MAN2A2: variants seen among roughly 807,000 people sequenced by gnomAD.
MAN2A2 encodes the protein mannosidase alpha class 2A member 2, also known as alpha-mannosidase 2x.
In MAN2A2, 79 loss-of-function variants were observed where a neutral mutation model predicts 126.8. That is an observed-to-expected ratio of 0.62 (90% CI 0.52 to 0.75). The LOEUF is 0.75. MAN2A2 is among the 30% of genes least tolerant of loss of function. The pLI is 0.00. For missense variants in MAN2A2, 1,392 were observed against 1,522.4 expected (o/e 0.91, Z 1.43); for synonymous variants, 671 against 618.7 (o/e 1.08, Z -1.25).
At chr15:90,918,502 C>T (rs1178222794) in intron 21 of MAN2A2, 114 bp downstream of exon 21, 4 of 1,313,290 alleles carry the variant, frequency 3.0e-6, no homozygotes, top group Non-Finnish European at 4.2e-6. Context: ...AGGTATTCGG[C>T]TCCAAACCTC....
Position 90,922,541 on chromosome 15 carries a change from C to T in MAN2A2, c.*2754C>T, listed in dbSNP as rs546053833. The T allele has an allele frequency of 6.6e-6, 1 of 152,154 alleles. No individual in the cohort carries two copies. The highest frequency in any genetic ancestry group is 2.1e-4 in the South Asian group (1 of 4,818). 9.4% of individuals were successfully genotyped at this position (152,154 alleles called of 1,614,324 possible). A position where few individuals can be genotyped will look rare whatever the true frequency, so the allele number is the denominator to read the frequency against. On this transcript the variant is annotated 3_prime_UTR_variant, in exon 23 of 23. Transcript: ENST00000559717. ...ACAATAGGAGGGGAATCTGTGAACG[C>T]CTAGAAAATGAGCAGAATAAAGGAT... is the stretch of plus-strand genomic sequence containing the variant.
Position 90,911,152 on chromosome 15 carries a change from C to A in MAN2A2, c.1876-19C>A. Reference sequence around the variant, plus strand: ...CTGAGCCCATGATGGTTCTTCCCTTCCGGCTCACTGAATTCCAGGATGACA... The same window carrying A: ...CTGAGCCCATGATGGTTCTTCCCTTACGGCTCACTGAATTCCAGGATGACA... On this transcript the variant is annotated intron_variant, in intron 12 of 22. Transcript: ENST00000559717. The A allele has an allele frequency of 6.2e-7, 1 of 1,613,482 alleles. No individual in the cohort carries two copies. The highest frequency in any genetic ancestry group is 1.1e-5 in the South Asian group (1 of 91,038).
At chr15:90,916,460 C>G (rs2035191805) in intron 20 of MAN2A2, 1 of 1,100,332 alleles carries the variant, frequency 9.1e-7, no homozygotes, top group South Asian at 1.5e-5. Flanking sequence ...CAGCAGCGCT[C>G]TGTCACCTGT....
chr15:90,916,507 C>T (rs2151325770), intron 20 of MAN2A2: 2 of 1,324,390 alleles, frequency 1.5e-6, no homozygotes, highest in East Asian at 2.9e-5. Flanking sequence ...CTCTGTGCTG[C>T]CCTCCTCTGC....
Position 90,904,129 on chromosome 15 carries a change from G to A in MAN2A2, c.-18-61G>A, listed in dbSNP as rs1337176807. 2 of 1,590,248 alleles carry A rather than the reference G, an allele frequency of 1.3e-6. 1 individual carries two copies. The highest frequency in any genetic ancestry group is 2.2e-5 in the South Asian group (2 of 90,514). On this transcript the variant is annotated intron_variant, in intron 1 of 22. Transcript: ENST00000559717. ...CCTCAGGAACTCACTGGGGTATTTG[G>A]TGGAAAGACTGCCACGGGCATTTTG...
At position 90,905,932 on chromosome 15, in the gene MAN2A2, G is replaced by A. The variant is rs376743733; in HGVS notation, c.623G>A (p.Arg208Gln). ...SMVSKLQEDP[R>Q]RRFLWAEVSF... ...GTGTCTAAGCTGCAGGAGGACCCCC[G>A]GCGGCGCTTCCTCTGGGCAGAGGTC... Residue 208 changes from arginine to glutamine, a missense_variant, in exon 5 of 23, where the codon CGG becomes CAG. Transcript: ENST00000559717. The A allele has an allele frequency of 1.0e-4, 166 of 1,613,074 alleles. No homozygotes were observed. The highest frequency in any genetic ancestry group is 1.3e-4 in the Non-Finnish European group (155 of 1,179,600).
At chr15:90,904,117 C>A in intron 1 of MAN2A2, 73 bp from the exon 2 acceptor site, 1 of 1,540,000 alleles carries the variant, frequency 6.5e-7, no homozygotes, top group Non-Finnish European at 9.0e-7. Flanking sequence ...CAGGAACTCA[C>A]TGGGGTATTT....
intron 17 of MAN2A2, 87 bp from the exon 18 acceptor site, chr15:90,913,186 C>A (rs575121891): frequency 1.4e-5 from 21 of 1,499,008 alleles, no homozygotes; most frequent in South Asian, 1.1e-4. Flanking sequence ...AGCCTCTCCC[C>A]AGCTCGGCTC....
At chr15:90,913,579 C>A in intron 18 of MAN2A2, 35 bp from the exon 19 acceptor site, 1 of 1,593,452 alleles carries the variant, frequency 6.3e-7, no homozygotes, top group Non-Finnish European at 8.5e-7. Flanking sequence ...ACATGGTGCC[C>A]GGGTGCCCTT....
chr15:90,909,893 G>A (rs546646625), intron 9 of MAN2A2, among the ~76,000 whole-genome samples, 197 bp from the exon 10 acceptor site: 5 of 152,282 alleles, frequency 3.3e-5, no homozygotes, highest in East Asian at 1.9e-4. Flanking sequence ...GTGAGCCACC[G>A]CGCCCAGCCG....
At position 90,910,378 on chromosome 15, in the gene MAN2A2, T is replaced by C. The variant is rs561547168; in HGVS notation, c.1577+86T>C. The C allele has an allele frequency of 3.8e-6, 6 of 1,577,764 alleles. No homozygotes were observed. The East Asian group carries it at 1.3e-4, about 35-fold the overall frequency. On this transcript the variant is annotated intron_variant, in intron 10 of 22. Coordinates refer to ENST00000559717, the MANE Select transcript of MAN2A2 (RefSeq NM_006122.4). ...GGGGCTGGATTGGCTCAGAAGGGAA[T>C]AGATAGGCCCAGAGGCCAGGGCAGG...
chr15:90,905,225 G>C, intron 2 of MAN2A2, 26 bp from the exon 3 acceptor site: 1 of 1,606,506 alleles, frequency 6.2e-7, no homozygotes, highest in Non-Finnish European at 8.5e-7. Context: ...GGAGCTGTGT[G>C]TGATTGCTTT....
At chr15:90,919,605 A>G (rs756243432) in intron 22 of MAN2A2, 30 bp from the exon 23 acceptor site, 1 of 1,610,400 alleles carries the variant, frequency 6.2e-7, no homozygotes, top group Admixed American at 1.7e-5. Context: ...GGCACCTAGC[A>G]CAACCCTGCC....
chr15:90,909,552 A>G (rs1267962977), intron 9 of MAN2A2, 48 bp downstream of exon 9: 2 of 1,558,514 alleles, frequency 1.3e-6, no homozygotes, highest in Admixed American at 1.8e-5. Flanking sequence ...GCTGCAGCCC[A>G]TCCCTTCCCG....
chr15:90,915,864 G>A (rs2035130616), intron 19 of MAN2A2: 1 of 460,592 alleles, frequency 2.2e-6, no homozygotes. Flanking sequence ...GAGTCCCAGA[G>A]CGTGGGGGGT....
At chr15:90,913,869 C>T (rs2034972638) in intron 19 of MAN2A2, 114 bp downstream of exon 19, 3 of 1,343,248 alleles carry the variant, frequency 2.2e-6, no homozygotes, top group African/African-American at 3.0e-5. Context: ...ACTGCATCAC[C>T]TCCATGCTTG....
intron 8 of MAN2A2, among the ~76,000 whole-genome samples, chr15:90,907,905 T>C (rs1404529197): frequency 6.6e-6 from 1 of 152,192 alleles, no homozygotes; most frequent in African/African-American, 2.4e-5. Context: ...AAAACAGACC[T>C]GTCCCTTTTG....
At chr15:90,919,556 AC>A (rs2035440548) in intron 22 of MAN2A2, 78 bp from the exon 23 acceptor site, 1 of 1,536,044 alleles carries the variant, frequency 6.5e-7, no homozygotes, top group Non-Finnish European at 8.9e-7. Context: ...TTAAAGAGGT[AC>A]CAAATTGTAG....
intron 14 of MAN2A2, 122 bp from the exon 15 acceptor site, chr15:90,911,921 A>T: frequency 1.3e-6 from 1 of 759,116 alleles, no homozygotes; most frequent in Non-Finnish European, 2.2e-6. Context: ...TCCACTTTGG[A>T]GGAGGGGCAG....
Sources: gnomAD v4.1 joint callset for allele counts (sites outside exome capture counted in the v4.1 genomes callset) on GRCh38, gnomAD v4.1.1 for gene constraint, MANE v1.5 for transcripts, NCBI Gene and HGNC (gene_info 2026-07-23, HGNC 2026-07-21) for gene names.